OR2L13: variants seen among roughly 807,000 people sequenced by gnomAD.
OR2L13 encodes the protein olfactory receptor family 2 subfamily L member 13.
In OR2L13, 14 loss-of-function variants were observed where a neutral mutation model predicts 15.3. The ratio of observed to expected loss-of-function variants is 0.91; its 90% CI spans 0.60 to 1.43. The LOEUF is 1.43. Ranked by LOEUF, OR2L13 falls within the 40% of genes most tolerant of loss-of-function variation. OR2L13 has a pLI of 0.00. For missense variants in OR2L13, 367 were observed against 387.9 expected, an observed-to-expected ratio of 0.95 and a Z score of 0.45; for synonymous variants, 152 against 142.9, an observed-to-expected ratio of 1.06 and a Z score of -0.45.
the OR2L13 span, chr1:248,060,696 T>A: frequency 1.2e-6 from 2 of 1,612,582 alleles, no homozygotes; most frequent in South Asian, 1.1e-5. Context: ...AAAATTACAA[T>A]CAAACATCAA....
chr1:248,074,993 G>C, the OR2L13 span, among the ~76,000 whole-genome samples: 14 of 152,226 alleles, frequency 9.2e-5, no homozygotes, highest in South Asian at 2.9e-3. Flanking sequence ...ATTTACATTA[G>C]GTATTTCTCC....
the OR2L13 span, chr1:247,990,946 ATGCACTC>A: frequency 6.8e-7 from 1 of 1,470,738 alleles, no homozygotes; most frequent in Non-Finnish European, 9.5e-7. Flanking sequence ...TGTCTACCAC[ATGCACTC>A]TGCAGAAGGG....
At chr1:247,986,770 T>C in the OR2L13 span, among the ~76,000 whole-genome samples, 5,058 of 152,262 alleles carry the variant, frequency 0.033, 259 homozygotes, top group African/African-American at 0.12. Flanking sequence ...CATTTGTTTG[T>C]ATCCTCTTTC....
the OR2L13 span, among the ~76,000 whole-genome samples, chr1:248,050,078 G>A: frequency 8.5e-5 from 13 of 152,244 alleles, no homozygotes; most frequent in African/African-American, 3.1e-4. Flanking sequence ...CGTTCCAGGT[G>A]CCAATGTGTG....
At chr1:248,003,719 A>C in the OR2L13 span, 5 of 1,613,728 alleles carry the variant, frequency 3.1e-6, no homozygotes, top group Non-Finnish European at 4.2e-6. Flanking sequence ...CTATGAGGGC[A>C]CAGTGCTTTT....
the OR2L13 span, among the ~76,000 whole-genome samples, chr1:247,941,620 G>A: frequency 5.9e-3 from 892 of 152,118 alleles, 9 homozygotes; most frequent in Middle Eastern, 0.027. Context: ...GACAGACGCC[G>A]AATGGAGAGA....
chr1:248,091,486 A>T (rs943995795), upstream of OR2L13, among the ~76,000 whole-genome samples: 15 of 152,072 alleles, frequency 9.9e-5, no homozygotes, highest in African/African-American at 3.4e-4. Context: ...TTCCAGTTAC[A>T]ATCTTCTGCA....
the OR2L13 span, among the ~76,000 whole-genome samples, chr1:248,042,894 C>T: frequency 6.6e-6 from 1 of 152,036 alleles, no homozygotes; most frequent in Non-Finnish European, 1.5e-5. Flanking sequence ...TAACTAAAAA[C>T]AACAAAAATA....
chr1:248,041,849 G>C, the OR2L13 span: 6 of 152,176 alleles, frequency 3.9e-5, no homozygotes, highest in African/African-American at 7.2e-5. Flanking sequence ...TCATTAAAAC[G>C]TCAGGAAACA....
chr1:248,047,740 A>G, the OR2L13 span, among the ~76,000 whole-genome samples: 2 of 152,332 alleles, frequency 1.3e-5, no homozygotes, highest in Admixed American at 1.3e-4. Flanking sequence ...AACAATGTGA[A>G]GGCTATATTA....
the OR2L13 span, chr1:248,063,011 T>C: frequency 2.0e-5 from 3 of 152,228 alleles, no homozygotes; most frequent in Admixed American, 6.5e-5. Context: ...GTTTGTAGTA[T>C]AGTTTGAAGT....
At chr1:248,061,452 T>C in the OR2L13 span, 272,561 of 1,612,114 alleles carry the variant, frequency 0.17, 32,549 homozygotes, top group African/African-American at 0.65. Flanking sequence ...TTGTCTACAC[T>C]TATCTACGTC....
At chr1:247,963,722 A>T in the OR2L13 span, among the ~76,000 whole-genome samples, 1 of 152,318 alleles carries the variant, frequency 6.6e-6, no homozygotes, top group Middle Eastern at 3.4e-3. Context: ...TTTTCTTTCC[A>T]ATCTGCATTC....
upstream of OR2L13, among the ~76,000 whole-genome samples, chr1:248,094,854 T>A (rs979558674): frequency 1.2e-4 from 18 of 152,238 alleles, no homozygotes; most frequent in Non-Finnish European, 2.2e-4. Flanking sequence ...TGCACTTTTT[T>A]AATCCGGAAT....
the OR2L13 span, among the ~76,000 whole-genome samples, chr1:248,045,441 G>C: frequency 1.3e-5 from 2 of 152,208 alleles, no homozygotes. Flanking sequence ...CTCGTGGGTA[G>C]TTTTGAGGTA....
chr1:248,032,335 A>G, the OR2L13 span, among the ~76,000 whole-genome samples: 1 of 152,086 alleles, frequency 6.6e-6, no homozygotes, highest in Non-Finnish European at 1.5e-5. Flanking sequence ...GATAATACAT[A>G]TTATCTCATG....
At chr1:248,054,381 C>T in the OR2L13 span, among the ~76,000 whole-genome samples, 51 of 152,216 alleles carry the variant, frequency 3.4e-4, 1 homozygote, top group Middle Eastern at 3.4e-3. Flanking sequence ...AGTTTGCAGT[C>T]GGGTAGCCTG....
the OR2L13 span, among the ~76,000 whole-genome samples, chr1:248,031,122 A>AT: frequency 3.3e-5 from 5 of 152,358 alleles, no homozygotes; most frequent in South Asian, 1.0e-3. Flanking sequence ...TTATTTTTAC[A>AT]TAAGAAAAAA....
the OR2L13 span, among the ~76,000 whole-genome samples, chr1:248,081,774 CCTT>C: frequency 6.6e-6 from 1 of 152,130 alleles, no homozygotes; most frequent in Admixed American, 6.6e-5. Context: ...TACTGAATAA[CCTT>C]CTCTTGAGAC....
Sources: allele counts gnomAD v4.1 joint callset (sites outside exome capture counted in the v4.1 genomes callset), GRCh38; gene constraint gnomAD v4.1.1; transcripts MANE v1.5; gene names NCBI Gene and HGNC (gene_info 2026-07-23, HGNC 2026-07-21).